Variants in DPP10 observed in about 807,000 individuals in gnomAD.
DPP10 encodes dipeptidyl peptidase like 10, also known as inactive dipeptidyl peptidase 10.
DPP10 carries 33 observed loss-of-function variants against 120.9 expected under a neutral mutation model. The ratio of observed to expected loss-of-function variants is 0.27; its 90% CI spans 0.21 to 0.37. The LOEUF (loss-of-function observed/expected upper bound fraction) is 0.37. Among genes scored for constraint, DPP10 ranks in the 10% least tolerant of loss-of-function variants. The pLI, the probability that DPP10 is intolerant of heterozygous loss-of-function variation, is 1.00. For missense variants in DPP10, 816 were observed against 942.8 expected, an observed-to-expected ratio of 0.87 and a Z score of 1.76; for synonymous variants, 337 against 326.1, an observed-to-expected ratio of 1.03 and a Z score of -0.36.
intron 3 of DPP10, among the ~76,000 whole-genome samples, chr2:115,439,900 A>T (rs2071868091): frequency 6.6e-6 from 1 of 152,162 alleles, no homozygotes; most frequent in African/African-American, 2.4e-5. Flanking sequence ...CATATTAAAA[A>T]TTTTAGGCCG....
At position 114,953,981 on chromosome 2, in the gene DPP10, G is replaced by A. The variant is rs557455531; in HGVS notation, c.61-355258G>A. ...TTATTCACAGTTACTTATTTGCATG[G>A]GTCAAGACTTCTTGGAATTGTTCAA... is the stretch of plus-strand genomic sequence containing the variant. On this transcript the variant is annotated intron_variant, in intron 1 of 25. Transcript: ENST00000410059. 2.6e-5 allele frequency among the ~76,000 whole-genome samples: 4 copies of A among 151,620 alleles called. No homozygotes were observed. The East Asian group carries it at 5.8e-4, about 22-fold the overall frequency.
At chr2:114,757,409 G>A (rs553698903) in intron 1 of DPP10, among the ~76,000 whole-genome samples, 8 of 149,564 alleles carry the variant, frequency 5.3e-5, no homozygotes, top group South Asian at 4.3e-4. Context: ...AGAGAGAGAG[G>A]GAAGGAAGGA....
At chr2:115,521,928 C>T (rs894929924) in intron 4 of DPP10, among the ~76,000 whole-genome samples, 1 of 152,148 alleles carries the variant, frequency 6.6e-6, no homozygotes, top group Non-Finnish European at 1.5e-5. Context: ...GGAATCATCC[C>T]TCATCTTCCC....
chr2:114,714,821 A>G (rs7602636), intron 1 of DPP10, among the ~76,000 whole-genome samples: 4,220 of 152,222 alleles, frequency 0.028, 208 homozygotes, highest in African/African-American at 0.096. Flanking sequence ...GTTCTGAAGT[A>G]TCAGACTTTT....
At chr2:114,523,748 T>C (rs1019253076) in intron 1 of DPP10, among the ~76,000 whole-genome samples, 1 of 152,038 alleles carries the variant, frequency 6.6e-6, no homozygotes, top group East Asian at 1.9e-4. Flanking sequence ...TCTCAGAGGG[T>C]CAGCCTCTTT....
chr2:114,954,117 G>C (rs1422007005), intron 1 of DPP10, among the ~76,000 whole-genome samples: 1 of 120,156 alleles, frequency 8.3e-6, no homozygotes, highest in African/African-American at 3.2e-5. Context: ...GTCTCACTCT[G>C]TAGCCCAGGC....
intron 2 of DPP10, among the ~76,000 whole-genome samples, chr2:115,325,062 C>T (rs1181486705): frequency 1.3e-5 from 2 of 151,564 alleles, no homozygotes; most frequent in African/African-American, 4.9e-5. Context: ...CACAGATCAC[C>T]GTAACAGATA....
intron 1 of DPP10, among the ~76,000 whole-genome samples, chr2:114,747,790 A>T (rs1678714516): frequency 6.6e-6 from 1 of 152,216 alleles, no homozygotes; most frequent in Admixed American, 6.5e-5. Context: ...TCCTAAAAAT[A>T]CTTATTTGAA....
intron 1 of DPP10, among the ~76,000 whole-genome samples, chr2:114,906,405 T>C (rs1693969344): frequency 6.6e-6 from 1 of 151,656 alleles, no homozygotes; most frequent in Non-Finnish European, 1.5e-5. Flanking sequence ...AAAGAAAAAT[T>C]AGTGAACCTG....
intron 1 of DPP10, chr2:115,233,826 C>G (rs753583922): frequency 6.6e-6 from 3 of 456,984 alleles, no homozygotes; most frequent in Non-Finnish European, 1.3e-5. Context: ...CTTTGCCACA[C>G]CAAATGTGGG....
intron 1 of DPP10, chr2:114,461,886 G>A: frequency 1.0e-6 from 1 of 985,502 alleles, no homozygotes; most frequent in Non-Finnish European, 1.2e-6. Flanking sequence ...GAGACAGGTG[G>A]AGAGAGGGAG....
intron 1 of DPP10, among the ~76,000 whole-genome samples, chr2:115,286,526 A>ATATATATTACATATATATAT (rs10675008): frequency 1.6e-5 from 1 of 60,946 alleles, no homozygotes; most frequent in African/African-American, 5.4e-5. Context: ...ATATATATAT[A>ATATATATTACATATATATAT]ATATATATAT....
chr2:114,850,355 C>T (rs1485484059), intron 1 of DPP10, among the ~76,000 whole-genome samples: 2 of 152,100 alleles, frequency 1.3e-5, no homozygotes, highest in East Asian at 3.9e-4. Context: ...ATTACTCAAA[C>T]TTATCTAAAA....
intron 1 of DPP10, among the ~76,000 whole-genome samples, chr2:115,020,056 A>G (rs1344951515): frequency 2.0e-5 from 3 of 152,210 alleles, no homozygotes; most frequent in Non-Finnish European, 1.5e-5. Context: ...GAACCTCTTT[A>G]AAGTGTAAAT....
Position 114,800,337 on chromosome 2 carries a change from T to C in DPP10, c.60+357499T>C, listed in dbSNP as rs1244130719. Among the ~76,000 whole-genome samples the C allele has an allele frequency of 9.2e-5, 14 of 152,356 alleles. No homozygotes were observed. The East Asian group carries it at 1.9e-3, about 21-fold the overall frequency. ...GAAAACTTAATTAACTACAGAAATA[T>C]GTAAATTACTTTTTATACATTCCAG... On this transcript the variant is annotated intron_variant, in intron 1 of 25. Transcript: ENST00000410059.
chr2:115,428,709 A>G (rs843396), intron 3 of DPP10, among the ~76,000 whole-genome samples: 16,302 of 152,236 alleles, frequency 0.11, 1,030 homozygotes, highest in African/African-American at 0.16. Context: ...TGCCGTAAAG[A>G]AATAGCACTT....
intron 1 of DPP10, among the ~76,000 whole-genome samples, chr2:114,505,266 G>A (rs1445048347): frequency 6.7e-6 from 1 of 150,040 alleles, no homozygotes; most frequent in African/African-American, 2.5e-5. Flanking sequence ...TAAGACAAAG[G>A]GATTTGGGCT....
intron 1 of DPP10, among the ~76,000 whole-genome samples, chr2:114,862,440 AC>A (rs1689884336): frequency 6.6e-6 from 1 of 152,070 alleles, no homozygotes; most frequent in Non-Finnish European, 1.5e-5. Flanking sequence ...GGAAAAAAAA[AC>A]CCTCCAATCT....
intron 1 of DPP10, among the ~76,000 whole-genome samples, chr2:115,276,323 A>G (rs772995099): frequency 1.4e-4 from 21 of 152,134 alleles, no homozygotes; most frequent in South Asian, 4.1e-4. Flanking sequence ...TAATTTGTAA[A>G]TAGCCTGTAG....
Sources: allele counts gnomAD v4.1 joint callset (sites outside exome capture counted in the v4.1 genomes callset), GRCh38; gene constraint gnomAD v4.1.1; transcripts MANE v1.5; gene names NCBI Gene and HGNC (gene_info 2026-07-23, HGNC 2026-07-21).